TLK1: variants seen among roughly 807,000 people sequenced by gnomAD.
The protein encoded by TLK1 is serine/threonine-protein kinase tousled-like 1.
TLK1 carries 24 observed loss-of-function variants against 105.3 expected under a neutral mutation model. The observed-to-expected ratio is 0.23, with a 90% CI of 0.17 to 0.32. The LOEUF is 0.32. TLK1 is among the 10% of genes least tolerant of loss of function. The probability of loss-of-function intolerance (pLI) is 1.00; values close to 1 mark genes in which losing one functional copy is unlikely to be tolerated. For missense variants in TLK1, 558 were observed against 910.5 expected, an observed-to-expected ratio of 0.61 and a Z score of 4.98; for synonymous variants, 321 against 310.4, an observed-to-expected ratio of 1.03 and a Z score of -0.36.
At chr2:171,056,697 C>CAAA in intron 5 of TLK1, 131 bp from the exon 6 acceptor site, 4 of 421,446 alleles carry the variant, frequency 9.5e-6, no homozygotes, top group Non-Finnish European at 1.2e-5. Flanking sequence ...GGGTCCAGAA[C>CAAA]AAAAAAAAAA....
chr2:171,002,720 C>T (rs10930451), intron 18 of TLK1, among the ~76,000 whole-genome samples: 2 of 152,192 alleles, frequency 1.3e-5, no homozygotes, highest in Non-Finnish European at 2.9e-5. Flanking sequence ...GCAATCTCCA[C>T]ATCCCAGGCT....
At position 171,031,543 on chromosome 2, in the gene TLK1, CTGA is replaced by C. The variant is rs141142990; in HGVS notation, c.1170-3141_1170-3139del. ...TCCATCTCTTCCCATAGACTCATAT[CTGA>C]TGATAGCTAAATTATTAATATTTTT... On this transcript the variant is annotated intron_variant, in intron 11 of 20. Coordinates refer to ENST00000431350, the MANE Select transcript of TLK1 (RefSeq NM_012290.5). Among the ~76,000 whole-genome samples, 1,139 of 152,166 alleles carry C rather than the reference CTGA, an allele frequency of 7.5e-3. 15 individuals are homozygous for C. Among genetic ancestry groups the C allele is most frequent in the African/African-American group, 0.026 (1,078 of 41,524 alleles).
intron 1 of TLK1, among the ~76,000 whole-genome samples, chr2:171,189,462 C>G (rs1693101457): frequency 6.6e-6 from 1 of 152,102 alleles, no homozygotes; most frequent in Non-Finnish European, 1.5e-5. Context: ...TTTAATATTT[C>G]AAATATTTCC....
chr2:171,101,364 A>AAAAAAAAAAC (rs1689684382), intron 2 of TLK1, among the ~76,000 whole-genome samples: 1 of 151,388 alleles, frequency 6.6e-6, no homozygotes, highest in African/African-American at 2.4e-5. Context: ...AAAAAAAAAA[A>AAAAAAAAAAC]AGCCAGGCAC....
intron 1 of TLK1, among the ~76,000 whole-genome samples, chr2:171,126,834 A>G (rs1690885899): frequency 6.6e-6 from 1 of 151,848 alleles, no homozygotes; most frequent in African/African-American, 2.4e-5. Flanking sequence ...AATACTTTAC[A>G]TATTATACTA....
chr2:170,994,636 G>T, intron 20 of TLK1: 1 of 510,890 alleles, frequency 2.0e-6, no homozygotes, highest in Admixed American at 2.0e-5. Flanking sequence ...TATGTAACTG[G>T]CAACCAGATC....
rs9752255 is a variant in TLK1 at position 171,022,102 on chromosome 2, C to G, written c.1236+6237G>C. 1.7e-3 allele frequency among the ~76,000 whole-genome samples: 70 copies of G among 40,318 alleles called. 1 individual carries two copies. Among genetic ancestry groups the G allele is most frequent in the East Asian group, 0.013 (1 of 80 alleles). 26.5% of individuals were successfully genotyped at this position (40,318 alleles called of 152,430 possible). On this transcript the variant is annotated intron_variant, in intron 12 of 20. Transcript: ENST00000431350. ...TGGGCGAAAAACACACACACACACA[C>G]ACACACACACACACACACACACACT...
At chr2:171,042,018 G>T (rs1350917240) in intron 11 of TLK1, among the ~76,000 whole-genome samples, 2 of 152,156 alleles carry the variant, frequency 1.3e-5, no homozygotes, top group Non-Finnish European at 1.5e-5. Context: ...CCTATAATTT[G>T]TTTAAGAATG....
intron 1 of TLK1, chr2:171,159,839 C>G (rs1291975339): frequency 6.4e-6 from 1 of 155,888 alleles, no homozygotes; most frequent in African/African-American, 2.4e-5. Flanking sequence ...GGGACCGCCT[C>G]TATGGGAGGA....
At chr2:171,072,205 G>T (rs185872741) in intron 3 of TLK1, among the ~76,000 whole-genome samples, 16 of 152,296 alleles carry the variant, frequency 1.1e-4, no homozygotes, top group African/African-American at 3.1e-4. Context: ...CATTTTAAAA[G>T]TATTGATGCT....
chr2:171,194,674 G>A (rs572820214), intron 1 of TLK1, among the ~76,000 whole-genome samples: 64 of 150,866 alleles, frequency 4.2e-4, no homozygotes, highest in Non-Finnish European at 7.8e-4. Flanking sequence ...AAAATTAGCC[G>A]GGCGTGGTAG....
At chr2:171,037,781 ATTTAT>A (rs1229840091) in intron 11 of TLK1, among the ~76,000 whole-genome samples, 1 of 152,164 alleles carries the variant, frequency 6.6e-6, no homozygotes, top group Non-Finnish European at 1.5e-5. Flanking sequence ...AGATTTGTGC[ATTTAT>A]TTTCACAAGT....
chr2:171,057,085 T>G (rs1687537132), intron 5 of TLK1, among the ~76,000 whole-genome samples: 1 of 152,008 alleles, frequency 6.6e-6, no homozygotes, highest in Admixed American at 6.6e-5. Context: ...ACAAAATCTT[T>G]AAAAAATCAA....
intron 1 of TLK1, among the ~76,000 whole-genome samples, chr2:171,118,315 T>C (rs995009328): frequency 3.3e-5 from 5 of 152,208 alleles, no homozygotes; most frequent in Non-Finnish European, 7.4e-5. Context: ...ACTCTCCTAA[T>C]GTAATCTCCC....
intron 3 of TLK1, among the ~76,000 whole-genome samples, chr2:171,079,270 T>C (rs1688644933): frequency 6.6e-6 from 1 of 152,326 alleles, no homozygotes; most frequent in Non-Finnish European, 1.5e-5. Flanking sequence ...TCGACTATCA[T>C]CTCTTCTTTG....
chr2:171,224,256 TACATGTGTA>T (rs1467443259), intron 1 of TLK1, among the ~76,000 whole-genome samples: 2 of 152,220 alleles, frequency 1.3e-5, no homozygotes, highest in Non-Finnish European at 2.9e-5. Flanking sequence ...CAGTTGGCTA[TACATGTGTA>T]GACTTATTTC....
Position 171,080,164 on chromosome 2 carries a change from T to C in TLK1, c.330+2617A>G, listed in dbSNP as rs535726548. ...GTGAGACGAGATCGCACCACTACAC[T>C]CCAGCCCGGGCAAAAGAGTGAGACT... On this transcript the variant is annotated intron_variant, in intron 3 of 20. Transcript: ENST00000431350. Among the ~76,000 whole-genome samples, 5 of 139,874 alleles carry C rather than the reference T, an allele frequency of 3.6e-5. 1 individual carries two copies. Among genetic ancestry groups the C allele is most frequent in the African/African-American group, 1.4e-4 (5 of 36,914 alleles). The allele number at this position is 139,874 out of a possible 152,430, so 91.8% of individuals were successfully genotyped here. A position where few individuals can be genotyped will look rare whatever the true frequency, so the allele number is the denominator to read the frequency against.
At chr2:171,067,975 T>C (rs1300091454) in intron 3 of TLK1, among the ~76,000 whole-genome samples, 3 of 152,264 alleles carry the variant, frequency 2.0e-5, no homozygotes, top group African/African-American at 4.8e-5. Context: ...GGCTGCATAG[T>C]ATTCCGTGGT....
At position 171,115,400 on chromosome 2, in the gene TLK1, T is replaced by G. The variant is rs1222251889; in HGVS notation, c.258+2339A>C. Among the ~76,000 whole-genome samples the G allele has an allele frequency of 2.0e-5, 3 of 152,120 alleles. No homozygotes were observed. In the South Asian group the frequency reaches 6.2e-4, roughly 32 times the overall value. On this transcript the variant is annotated intron_variant, in intron 2 of 20. Transcript: ENST00000431350. ...CATGTTGAGGCTGGTCTTGAACTCC[T>G]GACCTCAGGTGACCCGCCCACCTCG...
Sources: gnomAD v4.1 joint callset for allele counts (sites outside exome capture counted in the v4.1 genomes callset) on GRCh38, gnomAD v4.1.1 for gene constraint, MANE v1.5 for transcripts, NCBI Gene and HGNC (gene_info 2026-07-23, HGNC 2026-07-21) for gene names.